B4GALT1: variants seen among roughly 807,000 people sequenced by gnomAD.
The protein encoded by B4GALT1 is beta-1,4-galactosyltransferase 1, also known as N-acetyllactosamine synthase.
A neutral mutation model predicts 34.9 loss-of-function variants in B4GALT1; 16 were observed. The ratio of observed to expected loss-of-function variants is 0.46; its 90% CI spans 0.31 to 0.70. The LOEUF is 0.70. Ranked by LOEUF, B4GALT1 falls within the 30% of genes least tolerant of loss-of-function variation. The pLI, the probability that B4GALT1 is intolerant of heterozygous loss-of-function variation, is 0.05. For synonymous variants in B4GALT1, 221 were observed against 218.1 expected (o/e 1.01, Z -0.12); for missense variants, 445 against 530.5 (o/e 0.84, Z 1.58).
At position 33,120,421 on chromosome 9, in the gene B4GALT1, G is replaced by A. The variant is rs1357083415; in HGVS notation, c.834C>T (p.Phe278=). ...GATTCTGACTGAGTATCTCTTACCT[G>A]AATCCAAACTTATCCATTGCAACGG... ...HISVAMDKFG[F]SLPYVQYFGG... Residue 278 remains phenylalanine, a splice_region_variant and synonymous_variant, in exon 3 of 6, where the codon TTC becomes TTT. Transcript: ENST00000379731. The A allele has an allele frequency of 3.1e-6, 5 of 1,612,688 alleles. No homozygotes were observed. Among genetic ancestry groups the A allele is most frequent in the Non-Finnish European group, 3.4e-6 (4 of 1,179,994 alleles).
intron 2 of B4GALT1, among the ~76,000 whole-genome samples, chr9:33,105,315 T>A (rs1839787932): frequency 1.3e-5 from 2 of 151,898 alleles, no homozygotes; most frequent in Admixed American, 1.3e-4. Context: ...AATTTTGTAT[T>A]TTTAGTAGAG....
chr9:33,160,784 A>T (rs992165528), intron 1 of B4GALT1, among the ~76,000 whole-genome samples: 2 of 152,124 alleles, frequency 1.3e-5, no homozygotes, highest in African/African-American at 4.8e-5. Flanking sequence ...AAAAAAAAAT[A>T]TATCAGCTAT....
intron 2 of B4GALT1, among the ~76,000 whole-genome samples, chr9:33,126,449 T>C (rs1256092661): frequency 1.3e-5 from 2 of 152,156 alleles, no homozygotes; most frequent in East Asian, 3.9e-4. Flanking sequence ...TTGTTGTTGT[T>C]GTTTTTTTGC....
Position 33,113,867 on chromosome 9 carries a change from C to G in B4GALT1, c.971G>C (p.Arg324Thr). Residue 324 changes from arginine (R) to threonine (T), a missense_variant, in exon 5 of 6, where the codon AGA (arginine) becomes ACA (threonine). Around this residue, in one of 3 missense-constraint regions of B4GALT1, gnomAD observed 89 missense variants for 107.6 expected, o/e 0.83. Transcript: ENST00000379731. ...ATTTGGGCGAGATATAGACATGCCT[C>G]TAAAAACTAATCTGCAAAGAGTAAA... The part of the protein sequence containing the change: ...DDDIFNRLVF[R>T]GMSISRPNAV... The G allele has an allele frequency of 6.2e-7, 1 of 1,614,166 alleles. No individual in the cohort carries two copies. Among genetic ancestry groups the G allele is most frequent in the Non-Finnish European group, 8.5e-7 (1 of 1,180,020 alleles).
intron 1 of B4GALT1, among the ~76,000 whole-genome samples, chr9:33,137,841 G>GCCAGGCCTGGGCTGCCCAACAC (rs1273918939): frequency 8.5e-5 from 13 of 152,306 alleles, no homozygotes; most frequent in African/African-American, 2.9e-4. Context: ...CACAAGGTCA[G>GCCAGGCCTGGGCTGCCCAACAC]CCAGGCCTGG....
intron 1 of B4GALT1, 53 bp downstream of exon 1, chr9:33,166,705 G>T: frequency 6.8e-7 from 1 of 1,466,606 alleles, no homozygotes; most frequent in Non-Finnish European, 9.0e-7. Context: ...GACCCTGTCG[G>T]GGAAATCCGG....
At chr9:33,131,849 C>CT (rs1364334850) in intron 2 of B4GALT1, among the ~76,000 whole-genome samples, 1 of 152,002 alleles carries the variant, frequency 6.6e-6, no homozygotes, top group Non-Finnish European at 1.5e-5. Flanking sequence ...CCTTCCACCT[C>CT]TTTTTTTTCA....
the B4GALT1 span, among the ~76,000 whole-genome samples, chr9:33,175,414 T>C: frequency 1.3e-5 from 2 of 152,166 alleles, no homozygotes; most frequent in Non-Finnish European, 2.9e-5. Flanking sequence ...GTTAACTTCC[T>C]GTTTTGATGA....
chr9:33,122,203 A>G (rs985287544), intron 2 of B4GALT1, among the ~76,000 whole-genome samples: 17 of 152,160 alleles, frequency 1.1e-4, no homozygotes, highest in African/African-American at 3.9e-4. Flanking sequence ...GGGATGCTCA[A>G]AGTCTTCTCT....
chr9:33,157,679 T>C (rs189228810), intron 1 of B4GALT1, among the ~76,000 whole-genome samples: 1 of 151,800 alleles, frequency 6.6e-6, no homozygotes, highest in Non-Finnish European at 1.5e-5. Flanking sequence ...AAGTAGAATT[T>C]TTTTTAACAT....
At position 33,167,310 on chromosome 9, in the gene B4GALT1, C is replaced by G; in HGVS notation, c.-141G>C. On this transcript the variant is annotated 5_prime_UTR_variant, in exon 1 of 6. Transcript: ENST00000379731. ...GCGGGCGAGCGGCTGAGAGCTGAGA[C>G]TCCTCCAGCCAGCCAGACCTGGGAG... is the stretch of plus-strand genomic sequence containing the variant. The G allele has an allele frequency of 9.0e-7, 1 of 1,115,466 alleles. No homozygotes were observed. Among genetic ancestry groups the G allele is most frequent in the Non-Finnish European group, 1.2e-6 (1 of 848,402 alleles). The allele number at this position is 1,115,466 out of a possible 1,614,324, so 69.1% of individuals were successfully genotyped here.
At position 33,167,142 on chromosome 9, in the gene B4GALT1, C is replaced by G. The variant is rs750624082; in HGVS notation, c.28G>C (p.Gly10Arg). 1.9e-6 allele frequency: 3 copies of G among 1,600,844 alleles called. No individual in the cohort carries two copies. Among genetic ancestry groups the G allele is most frequent in the Admixed American group, 1.7e-5 (1 of 59,082 alleles). Residue 10 changes from glycine to arginine, a missense_variant, in exon 1 of 6, where the codon GGC becomes CGC. By Grantham distance (125) the Gly-to-Arg change is moderately radical. This residue lies in a region of B4GALT1 where 349 missense variants were observed against 395.5 expected (regional missense o/e 0.88). Transcript: ENST00000379731. ...GACGCGCCTGGCATCGCGGCGCTGC[C>G]GCTCAGGAGCGGCTCCCGAAGCCTC... MRLREPLLS[G>R]SAAMPGASLQ...
intron 1 of B4GALT1, among the ~76,000 whole-genome samples, chr9:33,164,968 G>A (rs1441614535): frequency 4.8e-5 from 5 of 105,252 alleles, no homozygotes; most frequent in Admixed American, 2.8e-4. Flanking sequence ...TTGAGTGCCC[G>A]TATTTTTTTT....
At chr9:33,138,462 C>T (rs1840302697) in intron 1 of B4GALT1, among the ~76,000 whole-genome samples, 1 of 152,130 alleles carries the variant, frequency 6.6e-6, no homozygotes, top group South Asian at 2.1e-4. Context: ...CAAATCCTTG[C>T]TCCCACCTTC....
intron 1 of B4GALT1, among the ~76,000 whole-genome samples, chr9:33,159,101 A>T (rs1349785291): frequency 6.6e-6 from 1 of 152,076 alleles, no homozygotes; most frequent in Non-Finnish European, 1.5e-5. Flanking sequence ...CCGCACCCTG[A>T]ACTCCACATC....
At chr9:33,149,813 G>C (rs535648009) in intron 1 of B4GALT1, among the ~76,000 whole-genome samples, 28 of 152,242 alleles carry the variant, frequency 1.8e-4, no homozygotes, top group African/African-American at 6.0e-4. Flanking sequence ...CCTAAACTGA[G>C]AGACCTTCTA....
the B4GALT1 span, among the ~76,000 whole-genome samples, chr9:33,181,423 T>TACACAC: frequency 0.058 from 7,935 of 137,022 alleles, 253 homozygotes; most frequent in Non-Finnish European, 0.06. Flanking sequence ...GACCCTGTCT[T>TACACAC]ACACACACAC....
intron 1 of B4GALT1, among the ~76,000 whole-genome samples, chr9:33,140,400 G>T (rs1840331574): frequency 6.6e-6 from 1 of 152,092 alleles, no homozygotes; most frequent in Non-Finnish European, 1.5e-5. Context: ...TTTCTTCCAA[G>T]ATTAAGTGCT....
intron 1 of B4GALT1, among the ~76,000 whole-genome samples, chr9:33,165,971 A>G (rs1159231016): frequency 6.6e-6 from 1 of 152,148 alleles, no homozygotes; most frequent in Non-Finnish European, 1.5e-5. Flanking sequence ...TTGACTGGTT[A>G]TATTTTAGCC....
Sources: gnomAD v4.1 joint callset for allele counts (sites outside exome capture counted in the v4.1 genomes callset) on GRCh38, gnomAD v4.1.1 for gene constraint, gnomAD v4.1.1 regional missense constraint, MANE v1.5 for transcripts, NCBI Gene and HGNC (gene_info 2026-07-23, HGNC 2026-07-21) for gene names.